TPGS2: variants seen among roughly 807,000 people sequenced by gnomAD.
The protein encoded by TPGS2 is polyglutamylase subunit 2.
In TPGS2, 26 loss-of-function variants were observed where a neutral mutation model predicts 31.1. The ratio of observed to expected loss-of-function variants is 0.84; its 90% CI spans 0.61 to 1.16. The LOEUF (loss-of-function observed/expected upper bound fraction) is 1.16. Among genes scored for constraint, TPGS2 ranks in the 50% most tolerant of loss-of-function variants. TPGS2 has a pLI of 0.00. For synonymous variants in TPGS2, 130 were observed against 136.6 expected (o/e 0.95, Z 0.34); for missense variants, 351 against 363.8 (o/e 0.96, Z 0.29).
intron 4 of TPGS2, among the ~76,000 whole-genome samples, chr18:36,801,409 T>C (rs752545820): frequency 3.9e-5 from 6 of 152,236 alleles, no homozygotes; most frequent in Admixed American, 6.5e-5. Flanking sequence ...ACATGGTTCA[T>C]TGTAGCCTTG....
intron 6 of TPGS2, among the ~76,000 whole-genome samples, chr18:36,788,329 C>A (rs1216052308): frequency 6.6e-6 from 1 of 152,186 alleles, no homozygotes; most frequent in Non-Finnish European, 1.5e-5. Context: ...GGGTCTAGAA[C>A]CACGTGTGGT....
intron 2 of TPGS2, among the ~76,000 whole-genome samples, chr18:36,809,414 ATTTCT>A (rs1416995587): frequency 6.6e-6 from 1 of 152,208 alleles, no homozygotes; most frequent in Non-Finnish European, 1.5e-5. Context: ...CAGGTTTTAA[ATTTCT>A]TTTATTTATG....
intron 2 of TPGS2, chr18:36,817,757 C>T (rs942857490): frequency 6.6e-6 from 1 of 152,212 alleles, no homozygotes; most frequent in Non-Finnish European, 1.5e-5. Context: ...ACTCTTTCAG[C>T]CTCTGTTTCT....
downstream of TPGS2, among the ~76,000 whole-genome samples, chr18:36,781,097 A>G (rs750532227): frequency 3.1e-4 from 47 of 152,162 alleles, no homozygotes; most frequent in African/African-American, 7.7e-4. Context: ...ATTACTATGC[A>G]TGCTTTTCAA....
intron 2 of TPGS2, 100 bp downstream of exon 2, chr18:36,818,794 G>T (rs2045770447): frequency 9.2e-7 from 1 of 1,082,712 alleles, no homozygotes; most frequent in South Asian, 1.5e-5. Context: ...AAGCAGCTGT[G>T]GTCTGAGTAA....
At chr18:36,822,066 G>A (rs1031988116) in intron 1 of TPGS2, among the ~76,000 whole-genome samples, 16 of 152,230 alleles carry the variant, frequency 1.1e-4, no homozygotes, top group Admixed American at 5.2e-4. Flanking sequence ...AGGGCTGGAA[G>A]TTGTAGTGGT....
chr18:36,815,554 C>T (rs528987358), intron 2 of TPGS2, among the ~76,000 whole-genome samples: 2 of 152,260 alleles, frequency 1.3e-5, no homozygotes, highest in South Asian at 4.1e-4. Flanking sequence ...CCTCCACCCA[C>T]ACACATAACC....
intron 6 of TPGS2, among the ~76,000 whole-genome samples, chr18:36,783,637 G>A (rs1310148719): frequency 6.6e-6 from 1 of 152,204 alleles, no homozygotes; most frequent in Non-Finnish European, 1.5e-5. Context: ...CAGGGGCCAG[G>A]AGTAGGAGAC....
downstream of TPGS2, among the ~76,000 whole-genome samples, chr18:36,791,029 G>T (rs541573171): frequency 8.1e-4 from 123 of 152,226 alleles, 2 homozygotes; most frequent in African/African-American, 2.9e-3. Flanking sequence ...GAATCATGGG[G>T]GTGATTTCCA....
At position 36,816,770 on chromosome 18, in the gene TPGS2, G is replaced by A. The variant is rs551378774; in HGVS notation, c.165+2124C>T. Among the ~76,000 whole-genome samples the A allele has an allele frequency of 1.0e-3, 156 of 152,242 alleles. 1 individual carries two copies. The highest frequency in any genetic ancestry group is 1.0e-3 in the Non-Finnish European group (68 of 68,022). ...ACTACAGGCGTGCACCATCACGCCC[G>A]GCTAATTTTTGTATTTTTAGTAGAG... On this transcript the variant is annotated intron_variant, in intron 2 of 6. Coordinates refer to ENST00000334295, the MANE Select transcript of TPGS2 (RefSeq NM_015476.4).
rs766641950 is a variant in TPGS2 at position 36,818,902 on chromosome 18, A to C, written c.157T>G (p.Trp53Gly). The C allele has an allele frequency of 7.4e-6, 12 of 1,613,624 alleles. No individual in the cohort carries two copies. Among genetic ancestry groups the C allele is most frequent in the Non-Finnish European group, 1.0e-5 (12 of 1,179,636 alleles). The change falls in exon 2 of 7, where the codon TGG becomes GGG. Residue 53 changes from tryptophan (W) to glycine (G), a missense_variant. Physicochemically the swap from Trp to Gly is radical, Grantham distance 184. Transcript: ENST00000334295. ...CATGTGGCAACACTTACTTGTTCCC[A>C]GGAAGAAATCATATGACGTTCAGCA... Reference protein sequence around the residue: ...PPAERHMISSWEQKNNCVMPE... With the variant: ...PPAERHMISSGEQKNNCVMPE...
At chr18:36,810,206 T>G (rs1374376236) in intron 2 of TPGS2, among the ~76,000 whole-genome samples, 1 of 152,192 alleles carries the variant, frequency 6.6e-6, no homozygotes, top group Non-Finnish European at 1.5e-5. Context: ...TTCTCCAGCC[T>G]TCCTACTGCA....
intron 2 of TPGS2, among the ~76,000 whole-genome samples, chr18:36,813,213 A>C (rs982676080): frequency 6.6e-6 from 1 of 152,196 alleles, no homozygotes; most frequent in Non-Finnish European, 1.5e-5. Context: ...TGAAGGGGCA[A>C]AGAGAACTAG....
At chr18:36,823,530 G>A (rs955075424) in intron 1 of TPGS2, among the ~76,000 whole-genome samples, 1 of 140,494 alleles carries the variant, frequency 7.1e-6, no homozygotes, top group African/African-American at 2.7e-5. Context: ...GCGCGATCTC[G>A]GCTCACTGCA....
intron 2 of TPGS2, among the ~76,000 whole-genome samples, chr18:36,816,805 C>T (rs1387601506): frequency 1.3e-5 from 2 of 152,172 alleles, no homozygotes; most frequent in East Asian, 3.9e-4. Context: ...GACGGGGTTT[C>T]ACCATATTGG....
At chr18:36,781,446 G>T (rs919292078), downstream of TPGS2, among the ~76,000 whole-genome samples, 15 of 152,192 alleles carry the variant, frequency 9.9e-5, no homozygotes, top group Non-Finnish European at 1.9e-4. Flanking sequence ...GAGGTCAGGA[G>T]ATCGAGACCA....
chr18:36,820,950 AAG>A (rs1178703507), intron 1 of TPGS2: 2 of 152,230 alleles, frequency 1.3e-5, no homozygotes, highest in Non-Finnish European at 2.9e-5. Context: ...ATGGCAGAGT[AAG>A]AGAGATGAAA....
Position 36,796,952 on chromosome 18 carries a change from A to G in TPGS2, c.756T>C (p.Phe252=). 1 of 1,605,790 alleles carries G rather than the reference A, an allele frequency of 6.2e-7. No homozygotes were observed. Among genetic ancestry groups the G allele is most frequent in the South Asian group, 1.1e-5 (1 of 88,568 alleles). The change falls in exon 7 of 7, where the codon TTT becomes TTC. Residue 252 remains phenylalanine, a synonymous_variant. Coordinates refer to ENST00000334295, the MANE Select transcript of TPGS2 (RefSeq NM_015476.4). ...GGATTACGATCTTGTTCTTGCTCTT[A>G]AACACTTTGCTGGGATCTAGCTTAT... ...FVNKLDPSKV[F]KSKNKIVIPK... is the part of the protein sequence containing the mutation.
chr18:36,808,030 C>T (rs1271723456), intron 2 of TPGS2, 96 bp from the exon 3 acceptor site: 33 of 1,168,338 alleles, frequency 2.8e-5, no homozygotes, highest in East Asian at 9.6e-5. Context: ...GCATGTTATA[C>T]GTCCCTGAAA....
Sources: allele counts gnomAD v4.1 joint callset (sites outside exome capture counted in the v4.1 genomes callset), GRCh38; gene constraint gnomAD v4.1.1; transcripts MANE v1.5; gene names NCBI Gene and HGNC (gene_info 2026-07-23, HGNC 2026-07-21).